The following FLRT1 variants were observed in gnomAD, a reference collection of about 807,000 sequenced individuals.
The protein encoded by FLRT1 is leucine-rich repeat transmembrane protein FLRT1.
Under a neutral mutation model 30.9 loss-of-function variants are expected in FLRT1, and 14 were observed. The ratio of observed to expected loss-of-function variants is 0.45; its 90% confidence interval spans 0.30 to 0.71. The LOEUF (loss-of-function observed/expected upper bound fraction) is 0.71. Ranked by LOEUF, FLRT1 falls within the 30% of genes least tolerant of loss-of-function variation. FLRT1 has a pLI of 0.08. For missense variants in FLRT1, 737 were observed against 949.2 expected (o/e 0.78, Z 2.94); for synonymous variants, 368 against 430.4 (o/e 0.85, Z 1.80).
chr11:64,063,075 G>A (rs1196839269), intron 1 of FLRT1, among the ~76,000 whole-genome samples: 2 of 152,210 alleles, frequency 1.3e-5, no homozygotes, highest in Non-Finnish European at 2.9e-5. Flanking sequence ...AGTCGTTCTA[G>A]TTTAGTCTCC....
At chr11:64,075,542 A>C (rs931966268) in intron 1 of FLRT1, among the ~76,000 whole-genome samples, 3 of 152,238 alleles carry the variant, frequency 2.0e-5, no homozygotes, top group Non-Finnish European at 4.4e-5. Flanking sequence ...GCAGAGGTGG[A>C]GGGATGATCT....
At chr11:64,099,641 TAGG>T (rs756166148) in intron 1 of FLRT1, among the ~76,000 whole-genome samples, 16 of 149,510 alleles carry the variant, frequency 1.1e-4, no homozygotes, top group Non-Finnish European at 1.6e-4. Flanking sequence ...GATGGAGAGA[TAGG>T]AGGATGGATG....
intron 1 of FLRT1, among the ~76,000 whole-genome samples, chr11:64,057,884 C>T (rs1353484876): frequency 6.6e-6 from 1 of 152,242 alleles, no homozygotes; most frequent in Admixed American, 6.5e-5. Context: ...CGTGAGGTCA[C>T]AGGATTTGAA....
chr11:64,070,066 C>T (rs1214674645), intron 1 of FLRT1, among the ~76,000 whole-genome samples: 2 of 152,148 alleles, frequency 1.3e-5, no homozygotes, highest in Non-Finnish European at 2.9e-5. Context: ...CTCCCTGCAG[C>T]CTCTTAATCC....
chr11:64,091,183 A>T (rs1565228210), intron 1 of FLRT1, among the ~76,000 whole-genome samples: 1 of 151,730 alleles, frequency 6.6e-6, no homozygotes, highest in Non-Finnish European at 1.5e-5. Flanking sequence ...CTAAGACTCC[A>T]GCTCCTGGGG....
At chr11:64,099,823 G>GGATA (rs772698385) in intron 1 of FLRT1, among the ~76,000 whole-genome samples, 2 of 151,244 alleles carry the variant, frequency 1.3e-5, no homozygotes, top group African/African-American at 4.9e-5. Context: ...AGAGGTGAAT[G>GGATA]GATAGATGGA....
Position 64,117,816 on chromosome 11 carries a change from G to A in FLRT1, c.1549G>A (p.Val517Ile), listed in dbSNP as rs771847776. 11 of 1,614,084 alleles carry A rather than the reference G, an allele frequency of 6.8e-6. No homozygotes were observed. Among genetic ancestry groups the A allele is most frequent in the African/African-American group, 5.3e-5 (4 of 74,956 alleles). Residue 517 changes from valine (V) to isoleucine (I), a missense_variant, in exon 3 of 3, where the codon GTA (valine) becomes ATA (isoleucine). Coordinates refer to ENST00000682287, the MANE Select transcript of FLRT1 (RefSeq NM_013280.5). ...MVTMETSNAY[V>I]ADETPVCAKA... is the part of the protein sequence containing the mutation. ...CACCATGGAGACCAGCAATGCCTAC[G>A]TAGCTGATGAGACACCCGTGTGTGC...
At chr11:64,042,185 C>T (rs1023180925) in intron 1 of FLRT1, among the ~76,000 whole-genome samples, 1 of 152,182 alleles carries the variant, frequency 6.6e-6, no homozygotes, top group African/African-American at 2.4e-5. Context: ...TGCACACACT[C>T]TTGCACACAC....
chr11:64,073,982 G>A (rs1944156067), intron 1 of FLRT1, among the ~76,000 whole-genome samples: 1 of 152,166 alleles, frequency 6.6e-6, no homozygotes, highest in African/African-American at 2.4e-5. Flanking sequence ...GGAGGCCCAG[G>A]CACAAGGCAG....
chr11:64,045,195 C>T (rs487895), intron 1 of FLRT1, among the ~76,000 whole-genome samples: 1,716 of 150,516 alleles, frequency 0.011, 30 homozygotes, highest in African/African-American at 0.039. Context: ...AGCTGGGCCT[C>T]GCTGCCCGCT....
At chr11:64,042,958 C>T (rs930905607) in intron 1 of FLRT1, among the ~76,000 whole-genome samples, 34 of 152,350 alleles carry the variant, frequency 2.2e-4, no homozygotes, top group African/African-American at 8.2e-4. Context: ...TGGAGACACG[C>T]CCTGTCCAGT....
intron 1 of FLRT1, among the ~76,000 whole-genome samples, chr11:64,040,409 G>A (rs377504445): frequency 6.6e-6 from 1 of 152,316 alleles, no homozygotes; most frequent in Middle Eastern, 3.4e-3. Context: ...GGAGGGCAGA[G>A]GGGCTCAAGG....
At chr11:64,074,199 A>G (rs1008531943) in intron 1 of FLRT1, among the ~76,000 whole-genome samples, 1 of 152,234 alleles carries the variant, frequency 6.6e-6, no homozygotes, top group African/African-American at 2.4e-5. Context: ...ACCGAGGCAG[A>G]GAGAAAGGAG....
At position 64,118,103 on chromosome 11, in the gene FLRT1, G is replaced by A. The variant is rs1269501052; in HGVS notation, c.1836G>A (p.Leu612=). 6.2e-7 allele frequency: 1 copy of A among 1,611,558 alleles called. No individual in the cohort carries two copies. The highest frequency in any genetic ancestry group is 8.5e-7 in the Non-Finnish European group (1 of 1,178,136). ...GGACCAAGAAGGATAACTCCATCCT[G>A]GAAATCCGCGGCCCTGGGCTGCAGA... ...ESGTKKDNSI[L]EIRGPGLQML... is the part of the protein sequence containing the mutation. Residue 612 remains leucine (L), a synonymous_variant, in exon 3 of 3, where the codon CTG becomes CTA. Coordinates refer to ENST00000682287, the MANE Select transcript of FLRT1 (RefSeq NM_013280.5).
At chr11:64,086,334 G>T (rs1196713126) in intron 1 of FLRT1, among the ~76,000 whole-genome samples, 1 of 152,080 alleles carries the variant, frequency 6.6e-6, no homozygotes, top group African/African-American at 2.4e-5. Flanking sequence ...GGGGTGTGCA[G>T]TTCTAAGACC....
rs1944982724 is a variant in FLRT1 at position 64,116,425 on chromosome 11, C to G, written c.158C>G (p.Thr53Ser). 1.2e-6 allele frequency: 2 copies of G among 1,613,960 alleles called. No individual in the cohort carries two copies. Among genetic ancestry groups the G allele is most frequent in the Admixed American group, 1.7e-5 (1 of 60,014 alleles). The change falls in exon 3 of 3, where the codon ACC becomes AGC. Residue 53 changes from threonine (T) to serine (S), a missense_variant. By Grantham distance (58) the Thr-to-Ser change is moderately conservative (BLOSUM62 1). Coordinates refer to ENST00000682287, the MANE Select transcript of FLRT1 (RefSeq NM_013280.5). ...AFLTEVIDST[T>S]CPSVCRCDNG... ...CTGACGGAGGTCATCGACAGCACCA[C>G]CTGCCCCTCGGTGTGCCGCTGCGAC...
At chr11:64,083,604 G>A (rs1944340804) in intron 1 of FLRT1, among the ~76,000 whole-genome samples, 2 of 152,186 alleles carry the variant, frequency 1.3e-5, no homozygotes, top group Admixed American at 1.3e-4. Context: ...GAACGAGCCG[G>A]GAATAAATAA....
Position 64,117,944 on chromosome 11 carries a change from G to A in FLRT1, c.1677G>A (p.Gly559=), listed in dbSNP as rs1215121951. 4.3e-6 allele frequency: 7 copies of A among 1,613,770 alleles called. No individual in the cohort carries two copies. Among genetic ancestry groups the A allele is most frequent in the East Asian group, 2.2e-5 (1 of 44,882 alleles). Residue 559 remains glycine, a synonymous_variant, in exon 3 of 3, where the codon GGG becomes GGA. Coordinates refer to ENST00000682287, the MANE Select transcript of FLRT1 (RefSeq NM_013280.5). ...TGCCCCTGGCGGGCATCATCGGCGG[G>A]GCAGTGGCTCTGGTCTTCCTCTTCC... ...ASLPLAGIIG[G]AVALVFLFLV... is the part of the protein sequence containing the mutation.
At chr11:64,041,739 T>C (rs990755787) in intron 1 of FLRT1, among the ~76,000 whole-genome samples, 2 of 152,160 alleles carry the variant, frequency 1.3e-5, no homozygotes, top group Admixed American at 6.5e-5. Context: ...TCTTGGGTCT[T>C]GGATCCAATT....
Sources: allele counts gnomAD v4.1 joint callset (sites outside exome capture counted in the v4.1 genomes callset), GRCh38; gene constraint gnomAD v4.1.1; transcripts MANE v1.5; gene names NCBI Gene and HGNC (gene_info 2026-07-23, HGNC 2026-07-21).